The following ELL2 variants were observed in gnomAD, a reference collection of about 807,000 sequenced individuals.
The protein encoded by ELL2 is elongation factor for RNA polymerase II 2.
In ELL2, 21 loss-of-function variants were observed where a neutral mutation model predicts 72.8. That is an observed-to-expected ratio of 0.29 (90% CI 0.20 to 0.42). The LOEUF is 0.42. Among genes scored for constraint, ELL2 ranks in the 10% least tolerant of loss-of-function variants. ELL2 has a pLI of 1.00. For synonymous variants in ELL2, 266 were observed against 283.2 expected (o/e 0.94, Z 0.61); for missense variants, 568 against 772.8 (o/e 0.73, Z 3.14).
chr5:95,933,847 A>G (rs1455545487), intron 2 of ELL2, among the ~76,000 whole-genome samples: 1 of 152,112 alleles, frequency 6.6e-6, no homozygotes, highest in Admixed American at 6.6e-5. Flanking sequence ...CTTTATCCCA[A>G]ATTAATCCTG....
chr5:95,913,109 C>G (rs756001390), intron 4 of ELL2, among the ~76,000 whole-genome samples: 2 of 152,132 alleles, frequency 1.3e-5, no homozygotes, highest in African/African-American at 2.4e-5. Context: ...TCTTGCAAGT[C>G]TGGTCTTACT....
At chr5:95,941,560 T>C (rs186259103) in intron 2 of ELL2, among the ~76,000 whole-genome samples, 2 of 152,294 alleles carry the variant, frequency 1.3e-5, no homozygotes, top group African/African-American at 4.8e-5. Context: ...TTGGCATAAC[T>C]TGATGCCTCC....
At chr5:95,907,296 AT>A (rs1211663802) in intron 4 of ELL2, among the ~76,000 whole-genome samples, 82 of 116,432 alleles carry the variant, frequency 7.0e-4, no homozygotes, top group Non-Finnish European at 6.8e-4. Flanking sequence ...ATATATATAT[AT>A]TTTTTTTTTT....
At chr5:95,892,469 T>C (rs1442690931) in intron 9 of ELL2, among the ~76,000 whole-genome samples, 1 of 152,202 alleles carries the variant, frequency 6.6e-6, no homozygotes, top group African/African-American at 2.4e-5. Flanking sequence ...CAGTATTACT[T>C]ATTTGTAGAT....
At chr5:95,932,104 T>A (rs1211818900) in intron 2 of ELL2, among the ~76,000 whole-genome samples, 5 of 152,016 alleles carry the variant, frequency 3.3e-5, no homozygotes, top group Non-Finnish European at 7.4e-5. Context: ...AGAGTCTGGT[T>A]TACTCCATAA....
chr5:95,945,813 T>C (rs1039256097), intron 1 of ELL2, among the ~76,000 whole-genome samples: 4 of 152,204 alleles, frequency 2.6e-5, no homozygotes, highest in Non-Finnish European at 5.9e-5. Context: ...TCTTTCCCAC[T>C]TGAAATACAA....
intron 9 of ELL2, among the ~76,000 whole-genome samples, chr5:95,893,148 G>T (rs1195617325): frequency 2.6e-5 from 4 of 152,028 alleles, no homozygotes; most frequent in African/African-American, 9.7e-5. Flanking sequence ...ACAGTTGTGT[G>T]GTCAACAACT....
At chr5:95,914,007 A>C in intron 3 of ELL2, 73 bp from the exon 4 acceptor site, 1 of 1,370,006 alleles carries the variant, frequency 7.3e-7, no homozygotes, top group Non-Finnish European at 9.6e-7. Flanking sequence ...AGAATTATAT[A>C]ATCCTAAAAT....
chr5:95,905,234 C>T (rs17085255), intron 5 of ELL2, among the ~76,000 whole-genome samples: 8,234 of 125,952 alleles, frequency 0.065, 696 homozygotes, highest in East Asian at 0.53. Flanking sequence ...CTTTGAGATA[C>T]GCGCACACAC....
intron 2 of ELL2, among the ~76,000 whole-genome samples, chr5:95,930,770 A>G (rs1750567995): frequency 6.6e-6 from 1 of 152,242 alleles, no homozygotes; most frequent in East Asian, 1.9e-4. Context: ...GCACAAGACC[A>G]CAGTCTATGC....
intron 2 of ELL2, among the ~76,000 whole-genome samples, chr5:95,931,491 G>A (rs1157283396): frequency 6.6e-6 from 1 of 152,014 alleles, no homozygotes; most frequent in Non-Finnish European, 1.5e-5. Flanking sequence ...AAGCTCTTCG[G>A]ATAATCAAAA....
rs972961500 is a variant in ELL2 at position 95,938,006 on chromosome 5, C to T, written c.195+4996G>A. On this transcript the variant is annotated intron_variant, in intron 2 of 11. Coordinates refer to ENST00000237853, the MANE Select transcript of ELL2 (RefSeq NM_012081.6). ...GTAGGGAAGGACAATCTGCAGGAAG[C>T]ATTTTCAAGGGGGCTGAAATTGCCT... 3.9e-4 allele frequency among the ~76,000 whole-genome samples: 59 copies of T among 152,160 alleles called. 1 individual carries two copies. The highest frequency in any genetic ancestry group is 3.7e-3 in the Admixed American group (57 of 15,280).
At chr5:95,930,023 A>G (rs1750540917) in intron 2 of ELL2, among the ~76,000 whole-genome samples, 1 of 152,230 alleles carries the variant, frequency 6.6e-6, no homozygotes, top group African/African-American at 2.4e-5. Flanking sequence ...ATTCCATTTG[A>G]AAGTATGACC....
Position 95,907,296 on chromosome 5 carries a change from A to ATATTTTTTTTTTTTTT in ELL2, c.482-515_482-514insAAAAAAAAAAAAAATA. On this transcript the variant is annotated intron_variant, in intron 4 of 11. Transcript: ENST00000237853. ...GTTAGTGATATATATATATATATAT[A>ATATTTTTTTTTTTTTT]TTTTTTTTTTTTACAGGCCAAGACA... Among the ~76,000 whole-genome samples, 112 of 116,446 alleles carry ATATTTTTTTTTTTTTT rather than the reference A, an allele frequency of 9.6e-4. 1 individual carries two copies. The highest frequency in any genetic ancestry group is 2.4e-3 in the South Asian group (8 of 3,270). The allele number at this position is 116,446 out of a possible 152,430, so 76.4% of individuals were successfully genotyped here.
At chr5:95,923,517 T>C (rs568047064) in intron 2 of ELL2, among the ~76,000 whole-genome samples, 1 of 152,334 alleles carries the variant, frequency 6.6e-6, no homozygotes, top group East Asian at 1.9e-4. Flanking sequence ...AGGGTGACTC[T>C]TGATGCACGT....
At chr5:95,930,788 GGA>G in intron 2 of ELL2, among the ~76,000 whole-genome samples, 2 of 152,246 alleles carry the variant, frequency 1.3e-5, no homozygotes, top group East Asian at 3.9e-4. Flanking sequence ...TGCTAAACAA[GGA>G]GAAACAGCAA....
chr5:95,935,872 TA>T (rs1261750923), intron 2 of ELL2, among the ~76,000 whole-genome samples: 6 of 151,746 alleles, frequency 4.0e-5, no homozygotes, highest in Admixed American at 3.9e-4. Context: ...AAGGAATGAC[TA>T]AGTCAAGGCA....
rs777591181 is a variant in ELL2 at position 95,886,810 on chromosome 5, G to A, written c.*2061C>T. The A allele has an allele frequency of 6.6e-6, 1 of 152,050 alleles. No individual in the cohort carries two copies. Among genetic ancestry groups the A allele is most frequent in the Non-Finnish European group, 1.5e-5 (1 of 68,016 alleles). 9.4% of individuals were successfully genotyped at this position (152,050 alleles called of 1,614,324 possible). On this transcript the variant is annotated 3_prime_UTR_variant, in exon 12 of 12. Coordinates refer to ENST00000237853, the MANE Select transcript of ELL2 (RefSeq NM_012081.6). ...AAACCTGTGAAAATGCAGATACTTG[G>A]GCCCTATACCTAGAGATTCTAACTC...
At chr5:95,914,055 A>C in intron 3 of ELL2, 121 bp from the exon 4 acceptor site, 2 of 799,576 alleles carry the variant, frequency 2.5e-6, no homozygotes, top group East Asian at 3.3e-5. Flanking sequence ...AAAATAACTA[A>C]TATTAATTTT....
Sources: gnomAD v4.1 joint callset for allele counts (sites outside exome capture counted in the v4.1 genomes callset) on GRCh38, gnomAD v4.1.1 for gene constraint, MANE v1.5 for transcripts, NCBI Gene and HGNC (gene_info 2026-07-23, HGNC 2026-07-21) for gene names.